Variants in DSC1 observed in about 807,000 individuals in gnomAD.
DSC1 encodes the protein desmocollin-1.
DSC1 carries 79 observed loss-of-function variants against 98.8 expected under a neutral mutation model. The ratio of observed to expected loss-of-function variants is 0.80; its 90% CI spans 0.67 to 0.96. DSC1 has a LOEUF of 0.96. Among genes scored for constraint, DSC1 ranks in the 50% least tolerant of loss-of-function variants. The pLI, the probability that DSC1 is intolerant of heterozygous loss-of-function variation, is 0.00. For missense variants in DSC1, 1,115 were observed against 1,075.9 expected (o/e 1.04, Z -0.51); for synonymous variants, 405 against 372.1 (o/e 1.09, Z -1.02).
chr18:31,146,114 G>A (rs1170553346), intron 6 of DSC1, among the ~76,000 whole-genome samples: 1 of 152,090 alleles, frequency 6.6e-6, no homozygotes, highest in Admixed American at 6.6e-5. Context: ...AGATTTGGGG[G>A]TACACATGCG....
chr18:31,132,718 C>T (rs745666218), intron 13 of DSC1, 29 bp from the exon 14 acceptor site: 1 of 1,595,964 alleles, frequency 6.3e-7, no homozygotes, highest in South Asian at 1.1e-5. Context: ...CAAAGTAAAA[C>T]ACAGACATTA....
intron 2 of DSC1, among the ~76,000 whole-genome samples, chr18:31,158,752 T>C (rs542048644): frequency 5.9e-5 from 9 of 152,304 alleles, no homozygotes; most frequent in Non-Finnish European, 8.8e-5. Flanking sequence ...ACAAATTTTA[T>C]TGGGGGCATT....
chr18:31,159,791 A>C (rs1308902913), intron 1 of DSC1, among the ~76,000 whole-genome samples: 1 of 152,212 alleles, frequency 6.6e-6, no homozygotes, highest in East Asian at 1.9e-4. Flanking sequence ...ATGCAAGAAA[A>C]TATTTCACAA....
intron 5 of DSC1, among the ~76,000 whole-genome samples, chr18:31,150,247 TAC>T (rs1988945216): frequency 3.5e-5 from 2 of 56,608 alleles, no homozygotes; most frequent in African/African-American, 7.0e-5. Context: ...TCACCACCAC[TAC>T]CACCACCACC....
Position 31,140,075 on chromosome 18 carries a change from A to G in DSC1, c.1487T>C (p.Leu496Pro), listed in dbSNP as rs757030601. The G allele has an allele frequency of 1.9e-6, 3 of 1,614,054 alleles. No individual in the cohort carries two copies. The highest frequency in any genetic ancestry group is 2.5e-6 in the Non-Finnish European group (3 of 1,179,928). Residue 496 changes from leucine (L) to proline (P), a missense_variant, in exon 10 of 16, where the codon CTG (leucine) becomes CCG (proline). Coordinates refer to ENST00000257198, the MANE Select transcript of DSC1 (RefSeq NM_024421.2). ...TTCACCACTGGATATTTCCGGGTCC[A>G]GTGCTTTGTATCCAAGGAGTTCTTG... ...AGQELLGYKA[L>P]DPEISSGEGL... is the part of the protein sequence containing the mutation.
At position 31,143,793 on chromosome 18, in the gene DSC1, T is replaced by G; in HGVS notation, c.940-2A>C. The G allele has an allele frequency of 5.2e-6, 8 of 1,548,502 alleles. No homozygotes were observed. The highest frequency in any genetic ancestry group is 6.9e-6 in the Non-Finnish European group (8 of 1,152,134). ...TATTAACTGGTAAGTATCACATTTC[T>G]GAAAAAAAGGAAAAAACTACATTAA... On this transcript the variant is annotated splice_acceptor_variant, in intron 7 of 15. Transcript: ENST00000257198. LOFTEE classifies it high-confidence loss of function.
In DSC1 at chr18:31,130,355, C is replaced by T. The variant is rs1056897099; in HGVS notation, c.*159G>A. 12 of 738,658 alleles carry T rather than the reference C, an allele frequency of 1.6e-5. No individual in the cohort carries two copies. Among genetic ancestry groups the T allele is most frequent in the Non-Finnish European group, 2.0e-5 (9 of 458,880 alleles). 45.8% of individuals were successfully genotyped at this position (738,658 alleles called of 1,614,324 possible). A position where few individuals can be genotyped will look rare whatever the true frequency, so the allele number is the denominator to read the frequency against. On this transcript the variant is annotated 3_prime_UTR_variant, in exon 16 of 16. Transcript: ENST00000257198. ...TAGAGAACATGGAAGTTATACCAGACAAGGAGAATGTAGGGGAATCTCATA... is the reference window on the plus strand; with the variant it reads ...TAGAGAACATGGAAGTTATACCAGATAAGGAGAATGTAGGGGAATCTCATA...
rs758633835 is a variant in DSC1 at position 31,159,507 on chromosome 18, G to A, written c.86C>T (p.Ala29Val). Residue 29 changes from alanine to valine, a missense_variant, in exon 2 of 16, where the codon GCT (alanine) becomes GTT (valine). Coordinates refer to ENST00000257198, the MANE Select transcript of DSC1 (RefSeq NM_024421.2). ...AACTCGAAGATAAACTTTCTGACAAGCATCGCAAAGTAATGTTAAAACCTC... is the reference window on the plus strand; with the variant it reads ...AACTCGAAGATAAACTTTCTGACAAACATCGCAAAGTAATGTTAAAACCTC... ...SLLVLTLLCD[A>V]CQKVYLRVPS... is the part of the protein sequence containing the mutation. The A allele has an allele frequency of 3.1e-6, 5 of 1,599,808 alleles. No homozygotes were observed. Among genetic ancestry groups the A allele is most frequent in the Non-Finnish European group, 3.4e-6 (4 of 1,175,558 alleles).
chr18:31,140,202 A>T lies in DSC1; in HGVS notation c.1360T>A (p.Cys454Ser). Residue 454 changes from cysteine (C) to serine (S), a missense_variant, in exon 10 of 16, where the codon TGC (cysteine) becomes AGC (serine). Cys to Ser is a moderately radical substitution (Grantham distance 112). Coordinates refer to ENST00000257198, the MANE Select transcript of DSC1 (RefSeq NM_024421.2). ...KAASSQTPTM[C>S]TTTVTVKIID... is the part of the protein sequence containing the mutation. ...ATTTTAACGGTGACAGTTGTAGTGC[A>T]CATTGTAGGAGTTTGTGAGCTCGCT... is the stretch of plus-strand genomic sequence containing the variant. 1 of 1,614,038 alleles carries T rather than the reference A, an allele frequency of 6.2e-7. No individual in the cohort carries two copies. Among genetic ancestry groups the T allele is most frequent in the South Asian group, 1.1e-5 (1 of 91,072 alleles).
intron 11 of DSC1, among the ~76,000 whole-genome samples, chr18:31,136,294 CAT>C (rs1289037497): frequency 1.3e-5 from 2 of 152,052 alleles, no homozygotes; most frequent in Non-Finnish European, 2.9e-5. Flanking sequence ...ATACACTACA[CAT>C]GAGTTGATAT....
chr18:31,131,551 T>C, intron 15 of DSC1, 43 bp downstream of exon 15: 1 of 1,603,532 alleles, frequency 6.2e-7, no homozygotes, highest in Non-Finnish European at 8.5e-7. Context: ...ATAACTAGCA[T>C]TTAACTTCCA....
rs1378859198 is a variant in DSC1, at chr18:31,156,096, G to A, written c.418C>T (p.Pro140Ser). Residue 140 changes from proline to serine, a missense_variant, in exon 4 of 16, where the codon CCA becomes TCA. By Grantham distance (74) the Pro-to-Ser change is moderately conservative (BLOSUM62 -1). Transcript: ENST00000257198. ...KRSKRRWAPI[P>S]ASLMENSLGP... is the part of the protein sequence containing the mutation. ...AACGAGTTCTCCATCAATGAAGCTG[G>A]AATAGGAGCCCATCGTCTCTTGCTG... The A allele has an allele frequency of 1.2e-6, 2 of 1,614,054 alleles. No homozygotes were observed. The highest frequency in any genetic ancestry group is 2.2e-5 in the East Asian group (1 of 44,882).
intron 11 of DSC1, among the ~76,000 whole-genome samples, chr18:31,135,700 G>A (rs1302489957): frequency 6.6e-6 from 1 of 152,066 alleles, no homozygotes; most frequent in African/African-American, 2.4e-5. Context: ...AGTTAAAATA[G>A]TGCCCATTAT....
intron 5 of DSC1, among the ~76,000 whole-genome samples, chr18:31,152,315 A>G (rs1989016625): frequency 1.3e-5 from 2 of 152,216 alleles, no homozygotes; most frequent in African/African-American, 4.8e-5. Flanking sequence ...CTGCTTTCAC[A>G]GCATCACTTG....
In DSC1 at chr18:31,140,033, G is replaced by A; in HGVS notation, c.1520+9C>T. 6.2e-7 allele frequency: 1 copy of A among 1,604,416 alleles called. No homozygotes were observed. Among genetic ancestry groups the A allele is most frequent in the Non-Finnish European group, 8.5e-7 (1 of 1,176,100 alleles). On this transcript the variant is annotated intron_variant, in intron 10 of 15. Coordinates refer to ENST00000257198, the MANE Select transcript of DSC1 (RefSeq NM_024421.2). ...TTAAAATTAAGGAGCTTTTTGAAAA[G>A]TACATCACCTTAAGCCTTCACCACT...
intron 14 of DSC1, 29 bp downstream of exon 14, chr18:31,132,539 A>T (rs1988516804): frequency 6.2e-7 from 1 of 1,610,718 alleles, no homozygotes. Flanking sequence ...TTCACCGTAC[A>T]ATTCAAAGGG....
intron 1 of DSC1, among the ~76,000 whole-genome samples, chr18:31,160,716 A>G (rs1568006821): frequency 1.3e-5 from 2 of 152,186 alleles, no homozygotes; most frequent in Non-Finnish European, 1.5e-5. Flanking sequence ...AATAAATTAT[A>G]CTTAAAGAAC....
At chr18:31,138,983 A>G (rs1598616502) in intron 11 of DSC1, among the ~76,000 whole-genome samples, 1 of 152,058 alleles carries the variant, frequency 6.6e-6, no homozygotes, top group Non-Finnish European at 1.5e-5. Flanking sequence ...TTATATTTTT[A>G]TCATCCTCTT....
intron 2 of DSC1, among the ~76,000 whole-genome samples, chr18:31,157,972 T>C (rs1989134420): frequency 1.3e-5 from 2 of 152,138 alleles, no homozygotes; most frequent in South Asian, 4.1e-4. Flanking sequence ...TACTTAAAAC[T>C]ATCTTGCCAA....
Sources: gnomAD v4.1 joint callset for allele counts (sites outside exome capture counted in the v4.1 genomes callset) on GRCh38, gnomAD v4.1.1 for gene constraint, MANE v1.5 for transcripts, NCBI Gene and HGNC (gene_info 2026-07-23, HGNC 2026-07-21) for gene names.